Variants in TSPAN2 observed in about 807,000 individuals in gnomAD.
TSPAN2 encodes tetraspanin 2.
A neutral mutation model predicts 33.3 loss-of-function variants in TSPAN2; 24 were observed. That is an observed-to-expected ratio of 0.72 (90% CI 0.52 to 1.01). The LOEUF (loss-of-function observed/expected upper bound fraction) is 1.01, where lower values mean the gene tolerates loss of function less well. Ranked by LOEUF, TSPAN2 falls within the 50% of genes least tolerant of loss-of-function variation. The pLI, the probability that TSPAN2 is intolerant of heterozygous loss-of-function variation, is 0.00. For missense variants in TSPAN2, 278 were observed against 281.3 expected, an observed-to-expected ratio of 0.99 and a Z score of 0.08; for synonymous variants, 114 against 104.5, an observed-to-expected ratio of 1.09 and a Z score of -0.56.
At chr1:115,086,369 T>A (rs1288238878) in intron 1 of TSPAN2, among the ~76,000 whole-genome samples, 1 of 152,232 alleles carries the variant, frequency 6.6e-6, no homozygotes, top group Non-Finnish European at 1.5e-5. Context: ...GACAGTCAGA[T>A]GGTGGCGCAC....
chr1:115,077,064 C>T (rs1229330192), intron 1 of TSPAN2, among the ~76,000 whole-genome samples: 1 of 151,938 alleles, frequency 6.6e-6, no homozygotes, highest in Admixed American at 6.6e-5. Context: ...GGAATACAGG[C>T]ACACACCATC....
chr1:115,055,169 C>T (rs906710829), intron 6 of TSPAN2, among the ~76,000 whole-genome samples: 2 of 152,106 alleles, frequency 1.3e-5, no homozygotes, highest in Non-Finnish European at 2.9e-5. Context: ...TCAATCAAAA[C>T]AAACAAAACA....
chr1:115,079,137 C>CCACACACACACACACACACACA (rs202132434), intron 1 of TSPAN2, among the ~76,000 whole-genome samples: 8 of 146,696 alleles, frequency 5.5e-5, no homozygotes, highest in African/African-American at 2.0e-4. Flanking sequence ...AATTATAGCG[C>CCACACACACACACACACACACA]CACACACACA....
At position 115,050,325 on chromosome 1, in the gene TSPAN2, G is replaced by A; in HGVS notation, c.*165C>T. On this transcript the variant is annotated 3_prime_UTR_variant, in exon 8 of 8. Transcript: ENST00000369516. Reference sequence around the variant, plus strand: ...ATCATAAACAGGCATTCACTCAAGGGGTAAACCAGTAATGAGCCAAACATA... The same window carrying A: ...ATCATAAACAGGCATTCACTCAAGGAGTAAACCAGTAATGAGCCAAACATA... The A allele has an allele frequency of 7.3e-6, 5 of 684,082 alleles. No homozygotes were observed. The highest frequency in any genetic ancestry group is 1.3e-5 in the Non-Finnish European group (5 of 383,934). The allele number at this position is 684,082 out of a possible 1,614,324, so 42.4% of individuals were successfully genotyped here.
At chr1:115,055,578 C>G (rs1306055037) in intron 6 of TSPAN2, among the ~76,000 whole-genome samples, 1 of 151,926 alleles carries the variant, frequency 6.6e-6, no homozygotes, top group Admixed American at 6.6e-5. Context: ...GGCTGTAGTG[C>G]AGTGGCGCGA....
Position 115,089,360 on chromosome 1 carries a change from T to C in TSPAN2, c.69+4A>G. On this transcript the variant is annotated splice_donor_region_variant and intron_variant, in intron 1 of 7. Coordinates refer to ENST00000369516, the MANE Select transcript of TSPAN2 (RefSeq NM_005725.6). ...TGACCGGCCCTCCCGGCTCCTGGTC[T>C]CACCCAGAAGAGCAGGTTGAAGCCA... 1 of 1,581,548 alleles carries C rather than the reference T, an allele frequency of 6.3e-7. No homozygotes were observed. The highest frequency in any genetic ancestry group is 1.1e-5 in the South Asian group (1 of 87,042).
intron 7 of TSPAN2, among the ~76,000 whole-genome samples, chr1:115,052,055 A>G (rs1295133217): frequency 1.3e-5 from 2 of 152,080 alleles, no homozygotes; most frequent in East Asian, 1.9e-4. Context: ...TAGGCTGCTC[A>G]TTTGCTGAGA....
intron 4 of TSPAN2, 56 bp downstream of exon 4, chr1:115,060,408 C>A (rs1647666805): frequency 7.3e-7 from 1 of 1,362,206 alleles, no homozygotes; most frequent in Non-Finnish European, 1.0e-6. Context: ...TTGTGGGTAT[C>A]AATATTCTAA....
At chr1:115,057,244 G>A (rs1453627415) in intron 6 of TSPAN2, among the ~76,000 whole-genome samples, 6 of 152,098 alleles carry the variant, frequency 3.9e-5, no homozygotes, top group Admixed American at 2.6e-4. Context: ...CATCATCTAT[G>A]TAGGTGGTGA....
chr1:115,068,560 C>T (rs983781983), intron 2 of TSPAN2, among the ~76,000 whole-genome samples: 2 of 152,268 alleles, frequency 1.3e-5, no homozygotes, highest in Non-Finnish European at 2.9e-5. Flanking sequence ...TTATCTGGAA[C>T]CTATTCTGAA....
intron 7 of TSPAN2, among the ~76,000 whole-genome samples, chr1:115,053,094 T>A (rs1055114227): frequency 2.6e-5 from 4 of 152,156 alleles, no homozygotes; most frequent in African/African-American, 7.2e-5. Context: ...GAACTGAAAA[T>A]CATTTATCTA....
chr1:115,084,045 A>G (rs1648737575), intron 1 of TSPAN2, among the ~76,000 whole-genome samples: 1 of 152,206 alleles, frequency 6.6e-6, no homozygotes, highest in African/African-American at 2.4e-5. Context: ...TGCCCTTGAT[A>G]AACTCCAAGC....
In TSPAN2 at chr1:115,072,924, G is replaced by T. The variant is rs1306132278; in HGVS notation, c.153C>A (p.Ser51=). Residue 51 remains serine (S), a synonymous_variant, in exon 2 of 8, where the codon TCC becomes TCA. Transcript: ENST00000369516. ...AIKELSSEDK[S]PEYFYVGLYV... Reference sequence around the variant, plus strand: ...ACTCACCCACATAGAAATACTCTGGGGACTTGTCCTCTGATGATAACTCCT... The same window carrying T: ...ACTCACCCACATAGAAATACTCTGGTGACTTGTCCTCTGATGATAACTCCT... 6.8e-6 allele frequency: 11 copies of T among 1,613,890 alleles called. No homozygotes were observed. The African/African-American group carries it at 1.2e-4, about 18-fold the overall frequency.
rs927584278 is a variant in TSPAN2, at chr1:115,062,371, G to A, written c.173-139C>T. The A allele has an allele frequency of 3.9e-5, 25 of 639,920 alleles. No homozygotes were observed. The African/African-American group carries it at 3.9e-4, about 10-fold the overall frequency. 39.6% of individuals were successfully genotyped at this position (639,920 alleles called of 1,614,324 possible). ...CTATTCTTACTGCCATGTTTGACAC[G>A]GAGGAACTGGGCCCCAAAAGGTAAA... On this transcript the variant is annotated intron_variant, in intron 2 of 7. Transcript: ENST00000369516.
At position 115,086,746 on chromosome 1, in the gene TSPAN2, A is replaced by T. The variant is rs1014449834; in HGVS notation, c.69+2618T>A. Reference sequence around the variant, plus strand: ...CCTCAATGAGATGAGCAGCTTAGGGAACTGTGTTTATATTTATAAATTATT... The same window carrying T: ...CCTCAATGAGATGAGCAGCTTAGGGTACTGTGTTTATATTTATAAATTATT... On this transcript the variant is annotated intron_variant, in intron 1 of 7. Transcript: ENST00000369516. Among the ~76,000 whole-genome samples, 2 of 152,222 alleles carry T rather than the reference A, an allele frequency of 1.3e-5. 1 individual carries two copies. The highest frequency in any genetic ancestry group is 2.9e-5 in the Non-Finnish European group (2 of 68,018).
chr1:115,060,545 A>C lies in TSPAN2; in HGVS notation c.271-7T>G, dbSNP rs970780811. ...CCAGGAGGCAGGTAAAAAACTGTAG[A>C]GGAGAGAAAATACTAATTTCATTAA... On this transcript the variant is annotated splice_region_variant and splice_polypyrimidine_tract_variant and intron_variant, in intron 3 of 7. Transcript: ENST00000369516. 3 of 1,608,476 alleles carry C rather than the reference A, an allele frequency of 1.9e-6. No homozygotes were observed.
intron 2 of TSPAN2, among the ~76,000 whole-genome samples, chr1:115,063,943 A>G (rs371949809): frequency 3.9e-5 from 6 of 152,028 alleles, no homozygotes; most frequent in African/African-American, 1.2e-4. Flanking sequence ...ATTGGATACT[A>G]TATTCATTAC....
chr1:115,057,486 A>G (rs1196398415), intron 6 of TSPAN2, 51 bp downstream of exon 6: 4 of 1,553,224 alleles, frequency 2.6e-6, no homozygotes, highest in Non-Finnish European at 3.6e-6. Flanking sequence ...TGGCTTCCTA[A>G]GCTAGCAGCA....
In TSPAN2 at chr1:115,061,899, C is replaced by T. The variant is rs998134303; in HGVS notation, c.270+236G>A. Among the ~76,000 whole-genome samples the T allele has an allele frequency of 1.3e-4, 20 of 152,192 alleles. No individual in the cohort carries two copies. Among genetic ancestry groups the T allele is most frequent in the African/African-American group, 4.8e-4 (20 of 41,450 alleles). On this transcript the variant is annotated intron_variant, in intron 3 of 7. Coordinates refer to ENST00000369516, the MANE Select transcript of TSPAN2 (RefSeq NM_005725.6). ...AAACTCCTGGGCTCCAGAGATCCTC[C>T]TGCCTCAGCCTCCCAAAGTGCTGGG... is the stretch of plus-strand genomic sequence containing the variant.
Sources: gnomAD v4.1 joint callset for allele counts (sites outside exome capture counted in the v4.1 genomes callset) on GRCh38, gnomAD v4.1.1 for gene constraint, MANE v1.5 for transcripts, NCBI Gene and HGNC (gene_info 2026-07-23, HGNC 2026-07-21) for gene names.